Variants in SYBU observed in about 807,000 individuals in gnomAD.
SYBU encodes the protein GOLSYN A protein.
Under a neutral mutation model 35.9 loss-of-function variants are expected in SYBU, and 21 were observed. The ratio of observed to expected loss-of-function variants is 0.58; its 90% CI spans 0.41 to 0.84. SYBU has a LOEUF of 0.84. Ranked by LOEUF, SYBU falls within the 40% of genes least tolerant of loss-of-function variation. The pLI is 0.00. For synonymous variants in SYBU, 319 were observed against 324.3 expected, an observed-to-expected ratio of 0.98 and a Z score of 0.18; for missense variants, 768 against 848.2, an observed-to-expected ratio of 0.91 and a Z score of 1.17.
chr8:109,619,947 T>C (rs1288544047), intron 2 of SYBU, among the ~76,000 whole-genome samples: 1 of 152,232 alleles, frequency 6.6e-6, no homozygotes, highest in Non-Finnish European at 1.5e-5. Flanking sequence ...ACTAGAAATG[T>C]TCCTTTAACT....
rs1227014465 is a variant in SYBU, at chr8:109,575,134, A to G, written c.1764T>C (p.Asp588=). ...CCCCGCGAGCCAGTGGGATGACACCATCCAACCTCTCTTCCACGCAGGCTG... is the reference window on the plus strand; with the variant it reads ...CCCCGCGAGCCAGTGGGATGACACCGTCCAACCTCTCTTCCACGCAGGCTG... ...DFAACVEERL[D]GVIPLARGGV... is the part of the protein sequence containing the mutation. The change falls in exon 7 of 7, where the codon GAT becomes GAC. Residue 588 remains aspartate, a synonymous_variant. Coordinates refer to ENST00000276646, the MANE Select transcript of SYBU (RefSeq NM_001099754.2). 6.2e-7 allele frequency: 1 copy of G among 1,614,036 alleles called. No individual in the cohort carries two copies. The highest frequency in any genetic ancestry group is 8.5e-7 in the Non-Finnish European group (1 of 1,180,014).
At chr8:109,634,931 GTCTC>G (rs1265125780) in intron 2 of SYBU, among the ~76,000 whole-genome samples, 1 of 151,974 alleles carries the variant, frequency 6.6e-6, no homozygotes, top group South Asian at 2.1e-4. Flanking sequence ...CTCTCCCTCA[GTCTC>G]TCTGTTTTAT....
At chr8:109,598,393 A>T (rs535669548) in intron 3 of SYBU, among the ~76,000 whole-genome samples, 2 of 152,368 alleles carry the variant, frequency 1.3e-5, no homozygotes, top group Admixed American at 1.3e-4. Flanking sequence ...AGGTGCTAGC[A>T]TCAGCAGATT....
At chr8:109,675,202 T>C (rs1289118532) in intron 1 of SYBU, among the ~76,000 whole-genome samples, 1 of 151,946 alleles carries the variant, frequency 6.6e-6, no homozygotes, top group Non-Finnish European at 1.5e-5. Context: ...GATCTAAAAT[T>C]GACACCCTAA....
At chr8:109,672,237 G>A (rs887399115) in intron 1 of SYBU, among the ~76,000 whole-genome samples, 1 of 152,136 alleles carries the variant, frequency 6.6e-6, no homozygotes, top group African/African-American at 2.4e-5. Flanking sequence ...GGGGGTGGCT[G>A]GCAAGATGAC....
At chr8:109,683,734 C>G (rs530756531), upstream of SYBU, among the ~76,000 whole-genome samples, 1 of 152,162 alleles carries the variant, frequency 6.6e-6, no homozygotes, top group Non-Finnish European at 1.5e-5. Flanking sequence ...CAAATCCTAA[C>G]TTAAATTGTA....
At chr8:109,630,052 A>T (rs1217943879) in intron 2 of SYBU, among the ~76,000 whole-genome samples, 1 of 152,022 alleles carries the variant, frequency 6.6e-6, no homozygotes. Flanking sequence ...GACTGGATTA[A>T]GAAAATGTGG....
intron 3 of SYBU, among the ~76,000 whole-genome samples, chr8:109,612,393 G>A (rs1296016498): frequency 6.6e-6 from 1 of 152,158 alleles, no homozygotes; most frequent in Non-Finnish European, 1.5e-5. Context: ...TGTATTTGAG[G>A]CTCGGGTTTG....
At chr8:109,646,285 C>G (rs137875078), upstream of SYBU, 1,861 of 152,336 alleles carry the variant, frequency 0.012, 19 homozygotes, top group Admixed American at 0.018. Context: ...TCCTCGAAAA[C>G]TGAGGGTCAT....
chr8:109,591,669 G>A (rs1203728631), intron 3 of SYBU, among the ~76,000 whole-genome samples: 1 of 150,306 alleles, frequency 6.7e-6, no homozygotes, highest in African/African-American at 2.5e-5. Context: ...CCGCCACCAC[G>A]CCCGGCTAAT....
intron 3 of SYBU, among the ~76,000 whole-genome samples, chr8:109,609,139 C>A (rs1200328064): frequency 6.6e-6 from 1 of 152,194 alleles, no homozygotes; most frequent in Non-Finnish European, 1.5e-5. Context: ...CCTCCTCCTG[C>A]AATTACCTCT....
intron 1 of SYBU, among the ~76,000 whole-genome samples, chr8:109,662,920 C>T (rs529165908): frequency 6.6e-6 from 1 of 152,218 alleles, no homozygotes; most frequent in South Asian, 2.1e-4. Context: ...TTTTTGTTCT[C>T]CCTAAGACCT....
intron 1 of SYBU, among the ~76,000 whole-genome samples, chr8:109,666,463 A>G (rs3108853): frequency 0.31 from 47,062 of 151,948 alleles, 8,571 homozygotes; most frequent in East Asian, 0.52. Flanking sequence ...ATCCTCAATT[A>G]AGAACCACTG....
intron 3 of SYBU, among the ~76,000 whole-genome samples, chr8:109,593,041 A>G (rs996644154): frequency 2.6e-5 from 4 of 152,206 alleles, no homozygotes; most frequent in African/African-American, 9.6e-5. Context: ...ACTGTGCATG[A>G]AGATTTATCT....
At chr8:109,656,229 C>T (rs1816348890) in intron 1 of SYBU, among the ~76,000 whole-genome samples, 1 of 152,154 alleles carries the variant, frequency 6.6e-6, no homozygotes, top group East Asian at 1.9e-4. Flanking sequence ...TTTAAATATA[C>T]TTTGAGAGTA....
At chr8:109,611,559 G>C (rs753873254) in intron 3 of SYBU, among the ~76,000 whole-genome samples, 1 of 152,146 alleles carries the variant, frequency 6.6e-6, no homozygotes, top group Non-Finnish European at 1.5e-5. Flanking sequence ...TGTATCCTAG[G>C]GGAGCATTCT....
intron 3 of SYBU, among the ~76,000 whole-genome samples, chr8:109,616,058 C>CTGGAG (rs369863344): frequency 5.8e-5 from 6 of 104,340 alleles, no homozygotes; most frequent in African/African-American, 2.2e-4. Context: ...GTCACCCAGG[C>CTGGAG]TGGAGTGCAG....
chr8:109,651,132 A>T (rs75985019), intron 1 of SYBU, among the ~76,000 whole-genome samples: 1 of 152,230 alleles, frequency 6.6e-6, no homozygotes, highest in Non-Finnish European at 1.5e-5. Flanking sequence ...CTGGAAGCCT[A>T]GAAGTTTCAG....
intron 2 of SYBU, among the ~76,000 whole-genome samples, chr8:109,621,775 C>T (rs1427515061): frequency 6.6e-6 from 1 of 152,158 alleles, no homozygotes; most frequent in East Asian, 1.9e-4. Flanking sequence ...TGGAAGAAGC[C>T]TGGGGCATTT....
Sources: allele counts gnomAD v4.1 joint callset (sites outside exome capture counted in the v4.1 genomes callset), GRCh38; gene constraint gnomAD v4.1.1; transcripts MANE v1.5; gene names NCBI Gene and HGNC (gene_info 2026-07-23, HGNC 2026-07-21).